PEX7: variants seen among roughly 807,000 people sequenced by gnomAD.
PEX7 encodes PTS2 receptor.
Under a neutral mutation model 47.5 loss-of-function variants are expected in PEX7, and 34 were observed. The observed-to-expected ratio is 0.72, with a 90% CI of 0.54 to 0.95. PEX7 has a LOEUF of 0.95. Ranked by LOEUF, PEX7 falls within the 40% of genes least tolerant of loss-of-function variation. PEX7 has a pLI of 0.00. For missense variants in PEX7, 394 were observed against 400.3 expected (o/e 0.98, Z 0.13); for synonymous variants, 141 against 148.8 (o/e 0.95, Z 0.38).
chr6:136,837,207 T>C (rs1041487184), intron 3 of PEX7, among the ~76,000 whole-genome samples: 4 of 151,236 alleles, frequency 2.6e-5, no homozygotes, highest in Non-Finnish European at 5.9e-5. Context: ...AAAAAATATT[T>C]TAAAAAATTA....
chr6:136,854,349 G>T (rs978161702), intron 5 of PEX7, among the ~76,000 whole-genome samples: 2 of 152,044 alleles, frequency 1.3e-5, no homozygotes, highest in Non-Finnish European at 2.9e-5. Flanking sequence ...ATCACACCCA[G>T]CTAATTTTTG....
At chr6:136,873,859 C>CT (rs1237142058) in intron 8 of PEX7, among the ~76,000 whole-genome samples, 6 of 151,856 alleles carry the variant, frequency 4.0e-5, no homozygotes, top group Non-Finnish European at 7.4e-5. Flanking sequence ...TTGTTGAAGG[C>CT]TTTTTTTCCC....
intron 1 of PEX7, chr6:136,823,281 T>C: frequency 1.0e-6 from 1 of 985,428 alleles, no homozygotes; most frequent in Non-Finnish European, 1.2e-6. Flanking sequence ...AGGACGATGC[T>C]CCTGAATGGA....
chr6:136,852,228 CATTCCCTTTGAAAACT>C (rs1485828670), intron 5 of PEX7, among the ~76,000 whole-genome samples: 1 of 152,080 alleles, frequency 6.6e-6, no homozygotes, highest in Non-Finnish European at 1.5e-5. Context: ...GCACTGGAAG[CATTCCCTTTGAAAACT>C]GGCACAAGAC....
chr6:136,896,609 T>C (rs1331386641), intron 8 of PEX7, among the ~76,000 whole-genome samples: 1 of 152,190 alleles, frequency 6.6e-6, no homozygotes, highest in Non-Finnish European at 1.5e-5. Flanking sequence ...TTGAGGTCCT[T>C]CCCTGTCAAG....
At chr6:136,822,935 G>A in intron 1 of PEX7, 140 bp downstream of exon 1, 1 of 1,209,120 alleles carries the variant, frequency 8.3e-7, no homozygotes, top group Non-Finnish European at 1.0e-6. Context: ...CAGAAGAGGC[G>A]CTGGTCGGCG....
At chr6:136,861,071 G>T (rs546698856) in intron 5 of PEX7, among the ~76,000 whole-genome samples, 96 of 152,046 alleles carry the variant, frequency 6.3e-4, no homozygotes, top group Non-Finnish European at 1.1e-3. Context: ...GTAATGTTTT[G>T]GTACTTTTAA....
At chr6:136,872,583 C>T (rs916866039) in intron 8 of PEX7, among the ~76,000 whole-genome samples, 1 of 152,014 alleles carries the variant, frequency 6.6e-6, no homozygotes, top group Non-Finnish European at 1.5e-5. Flanking sequence ...TTGGAAATTG[C>T]ATTTCTTCAG....
At chr6:136,904,575 A>G (rs933656870) in intron 9 of PEX7, among the ~76,000 whole-genome samples, 4 of 150,294 alleles carry the variant, frequency 2.7e-5, no homozygotes, top group African/African-American at 9.8e-5. Flanking sequence ...TTCTCATGAT[A>G]GTGAATGAGT....
intron 8 of PEX7, among the ~76,000 whole-genome samples, chr6:136,895,553 T>C (rs1485668014): frequency 6.6e-6 from 1 of 152,198 alleles, no homozygotes; most frequent in Non-Finnish European, 1.5e-5. Context: ...GTTTCAGTCT[T>C]GTGTTGGTTT....
In PEX7 at chr6:136,858,112, C is replaced by T. The variant is rs541169186; in HGVS notation, c.527-8515C>T. Among the ~76,000 whole-genome samples, 49 of 152,306 alleles carry T rather than the reference C, an allele frequency of 3.2e-4. 1 individual carries two copies. The highest frequency in any genetic ancestry group is 1.1e-3 in the African/African-American group (46 of 41,568). On this transcript the variant is annotated intron_variant, in intron 5 of 9. Transcript: ENST00000318471. ...GATTACAGGCATGAGCCACTGCACC[C>T]GACCTTAAGTATTACCTGTTATTAT...
chr6:136,827,320 T>C (rs1442872832), intron 3 of PEX7, among the ~76,000 whole-genome samples: 1 of 152,236 alleles, frequency 6.6e-6, no homozygotes, highest in Non-Finnish European at 1.5e-5. Context: ...AAATTTTAGT[T>C]TCTATTTTAA....
chr6:136,910,255 A>G (rs1775912360), intron 9 of PEX7, among the ~76,000 whole-genome samples: 1 of 152,228 alleles, frequency 6.6e-6, no homozygotes, highest in Non-Finnish European at 1.5e-5. Context: ...CCATGCCCTC[A>G]AAGAGCTGAA....
chr6:136,852,067 G>A (rs1774767028), intron 5 of PEX7, among the ~76,000 whole-genome samples: 1 of 95,706 alleles, frequency 1.0e-5, no homozygotes. Flanking sequence ...TGGGCATGAA[G>A]TCCTTGCCCA....
rs1035380171 is a variant in PEX7 at position 136,872,533 on chromosome 6, G to C, written c.803+280G>C. Among the ~76,000 whole-genome samples the C allele has an allele frequency of 2.4e-4, 36 of 152,026 alleles. 1 individual carries two copies. The highest frequency in any genetic ancestry group is 8.7e-4 in the African/African-American group (36 of 41,394). On this transcript the variant is annotated intron_variant, in intron 8 of 9. Coordinates refer to ENST00000318471, the MANE Select transcript of PEX7 (RefSeq NM_000288.4). ...TATGGTAACACTTTCCTACACTATAGATGGCATAGCCAATATATTCTAAAT... is the reference window on the plus strand; with the variant it reads ...TATGGTAACACTTTCCTACACTATACATGGCATAGCCAATATATTCTAAAT...
intron 9 of PEX7, among the ~76,000 whole-genome samples, chr6:136,908,830 T>TC (rs143943163): frequency 0.019 from 2,922 of 152,306 alleles, 99 homozygotes; most frequent in African/African-American, 0.066. Flanking sequence ...CTCGGATGTA[T>TC]CCCACTGCCT....
At chr6:136,884,560 G>T (rs923092386) in intron 8 of PEX7, among the ~76,000 whole-genome samples, 12 of 152,046 alleles carry the variant, frequency 7.9e-5, no homozygotes, top group African/African-American at 2.7e-4. Context: ...TTGTTTATAT[G>T]GTGGGTGTTA....
At chr6:136,826,921 C>A (rs1055080441) in intron 3 of PEX7, among the ~76,000 whole-genome samples, 11 of 152,152 alleles carry the variant, frequency 7.2e-5, no homozygotes, top group African/African-American at 2.7e-4. Context: ...GCAGAACTTA[C>A]TGAAGGGATT....
At chr6:136,873,819 G>GT (rs1458694675) in intron 8 of PEX7, among the ~76,000 whole-genome samples, 1 of 151,950 alleles carries the variant, frequency 6.6e-6, no homozygotes, top group Non-Finnish European at 1.5e-5. Flanking sequence ...ATTTTCTTGA[G>GT]TTTTTTTAAT....
Sources: allele counts gnomAD v4.1 joint callset (sites outside exome capture counted in the v4.1 genomes callset), GRCh38; gene constraint gnomAD v4.1.1; transcripts MANE v1.5; gene names NCBI Gene and HGNC (gene_info 2026-07-23, HGNC 2026-07-21).